Variants in NCMAP observed in about 807,000 individuals in gnomAD.
The protein encoded by NCMAP is noncompact myelin-associated protein.
A neutral mutation model predicts 7.8 loss-of-function variants in NCMAP; 8 were observed. The ratio of observed to expected loss-of-function variants is 1.02; its 90% CI spans 0.60 to 1.84. The LOEUF (loss-of-function observed/expected upper bound fraction) is 1.84, where lower values mean the gene tolerates loss of function less well. Ranked by LOEUF, NCMAP falls within the 40% of genes most tolerant of loss-of-function variation. The pLI, the probability that NCMAP is intolerant of heterozygous loss-of-function variation, is 0.00. For missense variants in NCMAP, 112 were observed against 131.4 expected (o/e 0.85, Z 0.72); for synonymous variants, 41 against 52.9 (o/e 0.78, Z 0.98).
Position 24,597,694 on chromosome 1 carries a change from G to GAA in NCMAP, c.82+2183_82+2184insAA, listed in dbSNP as rs138105001. ...AAGAAAAGAAAAAGAAAGAAAGAAAGAGAAAGAAGGAAAGATTGGTTGGTT... is the reference window on the plus strand; with the variant it reads ...AAGAAAAGAAAAAGAAAGAAAGAAAGAAAGAAAGAAGGAAAGATTGGTTGGTT... On this transcript the variant is annotated intron_variant, in intron 2 of 3. Transcript: ENST00000374392. Among the ~76,000 whole-genome samples the GAA allele has an allele frequency of 2.1e-3, 265 of 127,880 alleles. 4 individuals are homozygous for GAA. Among genetic ancestry groups the GAA allele is most frequent in the Middle Eastern group, 0.015 (3 of 206 alleles). The allele number at this position is 127,880 out of a possible 152,430, so 83.9% of individuals were successfully genotyped here. A position where few individuals can be genotyped will look rare whatever the true frequency, so the allele number is the denominator to read the frequency against.
intron 1 of NCMAP, among the ~76,000 whole-genome samples, chr1:24,556,500 C>T (rs903050695): frequency 2.6e-5 from 4 of 152,200 alleles, no homozygotes; most frequent in African/African-American, 4.8e-5. Context: ...GACCTTGACC[C>T]GGCCTGGAGA....
At chr1:24,583,771 G>T (rs1228124062) in intron 1 of NCMAP, among the ~76,000 whole-genome samples, 1 of 151,620 alleles carries the variant, frequency 6.6e-6, no homozygotes, top group Non-Finnish European at 1.5e-5. Context: ...TCCCTAGCAG[G>T]GTCACTGACC....
chr1:24,566,532 T>C (rs1570514473), intron 1 of NCMAP, among the ~76,000 whole-genome samples: 1 of 152,170 alleles, frequency 6.6e-6, no homozygotes, highest in Admixed American at 6.5e-5. Context: ...CAGGGGCTGG[T>C]GGAATAAGAC....
Position 24,565,572 on chromosome 1 carries a change from T to TTGTGTGTGTGTGTG in NCMAP, c.-8+9433_-8+9446dup, listed in dbSNP as rs58714256. ...GGCCATTTTTAGAAGTGATAGAAGA[T>TTGTGTGTGTGTGTG]TGTGTGTGTGTGTGTGTGTGTGTGT... On this transcript the variant is annotated intron_variant, in intron 1 of 3. Transcript: ENST00000374392. 2.4e-3 allele frequency among the ~76,000 whole-genome samples: 339 copies of TTGTGTGTGTGTGTG among 143,754 alleles called. 3 individuals are homozygous for TTGTGTGTGTGTGTG. The highest frequency in any genetic ancestry group is 8.0e-3 in the African/African-American group (311 of 38,766). 94.3% of individuals were successfully genotyped at this position (143,754 alleles called of 152,430 possible). A position where few individuals can be genotyped will look rare whatever the true frequency, so the allele number is the denominator to read the frequency against.
intron 1 of NCMAP, among the ~76,000 whole-genome samples, chr1:24,556,536 C>T (rs1650901454): frequency 6.6e-6 from 1 of 152,214 alleles, no homozygotes; most frequent in South Asian, 2.1e-4. Flanking sequence ...CCACTTGGGG[C>T]CTTATCCGCC....
At chr1:24,600,904 G>A (rs764466662) in intron 2 of NCMAP, 36 bp from the exon 3 acceptor site, 2 of 1,598,098 alleles carry the variant, frequency 1.3e-6, no homozygotes, top group Admixed American at 1.7e-5. Flanking sequence ...CGTTCAGTTT[G>A]CACATTCACG....
At chr1:24,572,087 T>C (rs1285482085) in intron 1 of NCMAP, among the ~76,000 whole-genome samples, 1 of 150,590 alleles carries the variant, frequency 6.6e-6, no homozygotes, top group African/African-American at 2.5e-5. Context: ...TGGCTGAGGA[T>C]TGGGACTTCA....
intron 2 of NCMAP, among the ~76,000 whole-genome samples, chr1:24,599,043 G>A (rs915769618): frequency 6.6e-6 from 1 of 151,490 alleles, no homozygotes; most frequent in African/African-American, 2.4e-5. Context: ...ACTTTGGGAG[G>A]CTGAGGGGGG....
chr1:24,596,120 A>G (rs1228236872), intron 2 of NCMAP, among the ~76,000 whole-genome samples: 5 of 152,090 alleles, frequency 3.3e-5, no homozygotes, highest in African/African-American at 2.4e-5. Flanking sequence ...CATCTCTACT[A>G]AAAATACAAA....
chr1:24,597,304 G>C (rs1447599419), intron 2 of NCMAP, among the ~76,000 whole-genome samples: 1 of 151,840 alleles, frequency 6.6e-6, no homozygotes, highest in Non-Finnish European at 1.5e-5. Context: ...TTGGGAGTTT[G>C]AGACTGGCCA....
At chr1:24,560,002 A>G (rs12734144) in intron 1 of NCMAP, among the ~76,000 whole-genome samples, 34,889 of 151,644 alleles carry the variant, frequency 0.23, 4,232 homozygotes, top group African/African-American at 0.28. Context: ...TCTACTAAAA[A>G]TACAAAAAAT....
intron 1 of NCMAP, among the ~76,000 whole-genome samples, chr1:24,565,153 T>G (rs1651186216): frequency 6.6e-6 from 1 of 151,690 alleles, no homozygotes; most frequent in Admixed American, 6.6e-5. Flanking sequence ...CCTTTTTTTT[T>G]TTTTTTAATG....
chr1:24,582,152 C>T (rs1651765499), intron 1 of NCMAP, among the ~76,000 whole-genome samples: 3 of 152,114 alleles, frequency 2.0e-5, no homozygotes, highest in South Asian at 4.1e-4. Context: ...ATTCGTTGCT[C>T]GTGCCGACCA....
intron 1 of NCMAP, among the ~76,000 whole-genome samples, chr1:24,556,603 G>C (rs940924035): frequency 7.9e-5 from 12 of 152,206 alleles, no homozygotes; most frequent in Non-Finnish European, 2.9e-5. Flanking sequence ...CCCTCCGGAA[G>C]ATCTGCGATT....
intron 1 of NCMAP, among the ~76,000 whole-genome samples, chr1:24,572,120 C>T (rs1186512735): frequency 6.7e-6 from 1 of 150,262 alleles, no homozygotes; most frequent in Non-Finnish European, 1.5e-5. Context: ...GATGAGTAGC[C>T]ATCCAAAGCT....
Position 24,607,017 on chromosome 1 carries a change from CAG to C in NCMAP, c.*1273_*1274del, listed in dbSNP as rs1652789429. On this transcript the variant is annotated 3_prime_UTR_variant, in exon 4 of 4. Transcript: ENST00000374392. ...TTTTCTTTTTTTTTTTTTTTTGAGA[CAG>C]AGCCTCAATCTGTCACCTGGGCTGG... is the stretch of plus-strand genomic sequence containing the variant. 1 of 141,130 alleles carries C rather than the reference CAG, an allele frequency of 7.1e-6. No homozygotes were observed. Among genetic ancestry groups the C allele is most frequent in the South Asian group, 2.2e-4 (1 of 4,526 alleles). The allele number at this position is 141,130 out of a possible 1,614,324, so 8.7% of individuals were successfully genotyped here.
chr1:24,564,948 C>T (rs1374901522), intron 1 of NCMAP, among the ~76,000 whole-genome samples: 3 of 151,976 alleles, frequency 2.0e-5, no homozygotes, highest in Non-Finnish European at 2.9e-5. Flanking sequence ...AACATGAGGT[C>T]ATAATAAAAA....
intron 1 of NCMAP, among the ~76,000 whole-genome samples, chr1:24,591,981 A>C (rs1652061682): frequency 1.3e-5 from 2 of 152,068 alleles, no homozygotes; most frequent in Admixed American, 1.3e-4. Flanking sequence ...GTGGGTGCTG[A>C]CCCCTGCTTC....
chr1:24,564,532 A>C lies in NCMAP; in HGVS notation c.-8+8363A>C, dbSNP rs532823043. On this transcript the variant is annotated intron_variant, in intron 1 of 3. Transcript: ENST00000374392. The stretch of plus-strand genomic sequence containing the variant: ...CTGTCTCAAAAAAAAAAAAAAAAAA[A>C]CAAAAAAAAACCTGAGAGAGATGGA... Among the ~76,000 whole-genome samples the C allele has an allele frequency of 9.8e-5, 10 of 102,062 alleles. No individual in the cohort carries two copies. In the East Asian group the frequency reaches 1.7e-3, roughly 17 times the overall value. 67.0% of individuals were successfully genotyped at this position (102,062 alleles called of 152,430 possible).
Sources: gnomAD v4.1 joint callset for allele counts (sites outside exome capture counted in the v4.1 genomes callset) on GRCh38, gnomAD v4.1.1 for gene constraint, MANE v1.5 for transcripts, NCBI Gene and HGNC (gene_info 2026-07-23, HGNC 2026-07-21) for gene names.